Variants in SYNPR observed in about 807,000 individuals in gnomAD.
SYNPR encodes the protein synaptoporin.
Under a neutral mutation model 32.9 loss-of-function variants are expected in SYNPR, and 23 were observed. That is an observed-to-expected ratio of 0.70 (90% CI 0.50 to 0.99). The LOEUF (loss-of-function observed/expected upper bound fraction) is 0.99. SYNPR is among the 50% of genes least tolerant of loss of function. The pLI is 0.00. For missense variants in SYNPR, 318 were observed against 349.3 expected, an observed-to-expected ratio of 0.91 and a Z score of 0.71; for synonymous variants, 146 against 135.9, an observed-to-expected ratio of 1.07 and a Z score of -0.52.
At chr3:63,611,751 T>TA (rs1700202265) in intron 5 of SYNPR, among the ~76,000 whole-genome samples, 1 of 152,216 alleles carries the variant, frequency 6.6e-6, no homozygotes, top group African/African-American at 2.4e-5. Flanking sequence ...ATGTATTTTT[T>TA]AAAGACTGAA....
intron 3 of SYNPR, among the ~76,000 whole-genome samples, chr3:63,527,762 C>T (rs1414128968): frequency 6.6e-6 from 1 of 152,130 alleles, no homozygotes; most frequent in African/African-American, 2.4e-5. Flanking sequence ...TAATGAATGT[C>T]CTTTGCGTGG....
At chr3:63,333,733 T>C (rs890396816) in intron 2 of SYNPR, among the ~76,000 whole-genome samples, 1 of 152,210 alleles carries the variant, frequency 6.6e-6, no homozygotes, top group Non-Finnish European at 1.5e-5. Flanking sequence ...ATTTCTTATT[T>C]GCTACCAGGT....
At chr3:63,263,504 A>G (rs1043780365) in intron 2 of SYNPR, among the ~76,000 whole-genome samples, 1 of 152,234 alleles carries the variant, frequency 6.6e-6, no homozygotes, top group South Asian at 2.1e-4. Context: ...ACACAACAAC[A>G]GTCATTTATT....
At chr3:63,296,068 G>A (rs1157926037) in intron 2 of SYNPR, among the ~76,000 whole-genome samples, 2 of 152,162 alleles carry the variant, frequency 1.3e-5, no homozygotes, top group African/African-American at 4.8e-5. Flanking sequence ...TAATGCAGGA[G>A]GAAACCTGCA....
chr3:63,364,398 A>G lies in SYNPR; in HGVS notation c.84+85656A>G, dbSNP rs916173351. Among the ~76,000 whole-genome samples the G allele has an allele frequency of 2.0e-5, 3 of 152,180 alleles. No individual in the cohort carries two copies. The East Asian group carries it at 5.8e-4, about 29-fold the overall frequency. On this transcript the variant is annotated intron_variant, in intron 2 of 5. Coordinates refer to ENST00000478300, the MANE Select transcript of SYNPR (RefSeq NM_001130003.2). Reference sequence around the variant, plus strand: ...AGCCAAATTGTAGGACAAATACTCAAATAGATAGAGTGCTTATGAGCTCAT... The same window carrying G: ...AGCCAAATTGTAGGACAAATACTCAGATAGATAGAGTGCTTATGAGCTCAT...
chr3:63,284,237 C>T (rs1189476761), intron 2 of SYNPR, among the ~76,000 whole-genome samples: 4 of 152,038 alleles, frequency 2.6e-5, no homozygotes, highest in Non-Finnish European at 5.9e-5. Flanking sequence ...GAATTTGTAC[C>T]TGTAGATTTA....
chr3:63,241,336 A>C (rs552299164), intron 1 of SYNPR, among the ~76,000 whole-genome samples: 1 of 152,278 alleles, frequency 6.6e-6, no homozygotes, highest in East Asian at 1.9e-4. Context: ...CTCTTTACCA[A>C]GGTAACAGGT....
chr3:63,414,567 T>C (rs1044652080), intron 2 of SYNPR, among the ~76,000 whole-genome samples: 1 of 152,228 alleles, frequency 6.6e-6, no homozygotes, highest in Non-Finnish European at 1.5e-5. Context: ...TCAGATTGAT[T>C]GCAAAAACTT....
At chr3:63,333,223 G>A (rs753510063) in intron 2 of SYNPR, among the ~76,000 whole-genome samples, 4 of 151,510 alleles carry the variant, frequency 2.6e-5, no homozygotes, top group Non-Finnish European at 5.9e-5. Flanking sequence ...TCTATCTCCA[G>A]TTAGGCTTTT....
chr3:63,569,135 T>G (rs1702843324), intron 4 of SYNPR, among the ~76,000 whole-genome samples: 1 of 152,186 alleles, frequency 6.6e-6, no homozygotes, highest in South Asian at 2.1e-4. Flanking sequence ...TGCATAATAT[T>G]CCATTATATT....
intron 2 of SYNPR, among the ~76,000 whole-genome samples, chr3:63,475,530 A>G (rs1002404765): frequency 1.3e-5 from 2 of 152,182 alleles, no homozygotes; most frequent in Non-Finnish European, 2.9e-5. Context: ...AGTGCACCAC[A>G]TTAACAGAAA....
At chr3:63,447,998 A>ATACTTATTTATTTATTTATT (rs1700309545) in intron 2 of SYNPR, among the ~76,000 whole-genome samples, 2 of 151,742 alleles carry the variant, frequency 1.3e-5, no homozygotes, top group Admixed American at 1.3e-4. Flanking sequence ...TGCCTACAGA[A>ATACTTATTTATTTATTTATT]TATTTATTTA....
intron 2 of SYNPR, among the ~76,000 whole-genome samples, chr3:63,362,984 G>T (rs2087681060): frequency 6.6e-6 from 1 of 152,114 alleles, no homozygotes; most frequent in Non-Finnish European, 1.5e-5. Flanking sequence ...CCAAACAATT[G>T]CAGGAATATG....
chr3:63,390,972 T>A (rs1011807229), intron 2 of SYNPR, among the ~76,000 whole-genome samples: 1 of 152,204 alleles, frequency 6.6e-6, no homozygotes, highest in Non-Finnish European at 1.5e-5. Context: ...GGATACCCAA[T>A]GCCAAGAATA....
At chr3:63,589,579 C>T (rs1177013721) in intron 4 of SYNPR, among the ~76,000 whole-genome samples, 3 of 150,854 alleles carry the variant, frequency 2.0e-5, no homozygotes, top group African/African-American at 7.3e-5. Flanking sequence ...AAACCGAATC[C>T]AGCAGCACAT....
intron 2 of SYNPR, among the ~76,000 whole-genome samples, chr3:63,420,039 A>T (rs1413432334): frequency 6.6e-6 from 1 of 152,246 alleles, no homozygotes; most frequent in East Asian, 1.9e-4. Flanking sequence ...TATAGGAAAC[A>T]TATGTAAAAT....
At chr3:63,426,019 T>C (rs1251011159) in intron 2 of SYNPR, among the ~76,000 whole-genome samples, 1 of 152,068 alleles carries the variant, frequency 6.6e-6, no homozygotes, top group Non-Finnish European at 1.5e-5. Flanking sequence ...ACTCCTGACC[T>C]TGTGATCCAC....
At chr3:63,518,924 C>T (rs11708840) in intron 3 of SYNPR, among the ~76,000 whole-genome samples, 40,777 of 152,110 alleles carry the variant, frequency 0.27, 5,529 homozygotes, top group Middle Eastern at 0.31. Context: ...ATGGAGCCAA[C>T]ATAAACGTCC....
chr3:63,516,906 C>T (rs1701811537), intron 3 of SYNPR, among the ~76,000 whole-genome samples: 1 of 152,078 alleles, frequency 6.6e-6, no homozygotes, highest in Non-Finnish European at 1.5e-5. Context: ...TTCTCTTTAA[C>T]TAAAAATGTA....
Sources: gnomAD v4.1 joint callset for allele counts (sites outside exome capture counted in the v4.1 genomes callset) on GRCh38, gnomAD v4.1.1 for gene constraint, MANE v1.5 for transcripts, NCBI Gene and HGNC (gene_info 2026-07-23, HGNC 2026-07-21) for gene names.